Variants in ZMYM2 observed in about 807,000 individuals in gnomAD.
ZMYM2 encodes zinc finger MYM-type containing 2.
A neutral mutation model predicts 162.8 loss-of-function variants in ZMYM2; 56 were observed. The observed-to-expected ratio is 0.34, with a 90% CI of 0.28 to 0.43. The LOEUF (loss-of-function observed/expected upper bound fraction) is 0.43. ZMYM2 is among the 20% of genes least tolerant of loss of function. ZMYM2 has a pLI of 1.00. For missense variants in ZMYM2, 1,275 were observed against 1,621.8 expected (o/e 0.79, Z 3.67); for synonymous variants, 510 against 541.6 (o/e 0.94, Z 0.81).
the ZMYM2 span, among the ~76,000 whole-genome samples, chr13:19,904,099 A>G: frequency 6.6e-6 from 1 of 152,134 alleles, no homozygotes; most frequent in South Asian, 2.1e-4. Flanking sequence ...TGATCCATAC[A>G]TTGAGGCCTA....
At chr13:20,067,169 G>A (rs1350076041) in intron 20 of ZMYM2, 70 bp from the exon 21 acceptor site, 12 of 1,421,724 alleles carry the variant, frequency 8.4e-6, no homozygotes, top group East Asian at 5.1e-5. Context: ...AAAGAATAAC[G>A]TCAGAAAGTT....
At chr13:19,948,130 C>T in the ZMYM2 span, among the ~76,000 whole-genome samples, 8 of 152,210 alleles carry the variant, frequency 5.3e-5, no homozygotes, top group South Asian at 1.7e-3. Flanking sequence ...TGTGGAACGA[C>T]AGGAACTCTC....
At chr13:19,874,877 T>C in the ZMYM2 span, among the ~76,000 whole-genome samples, 2 of 152,194 alleles carry the variant, frequency 1.3e-5, no homozygotes, top group East Asian at 3.8e-4. Flanking sequence ...CATGATGAGA[T>C]ACCAGTCAGA....
intron 8 of ZMYM2, 40 bp from the exon 9 acceptor site, chr13:20,027,163 A>G: frequency 1.4e-6 from 2 of 1,432,400 alleles, no homozygotes; most frequent in Non-Finnish European, 1.9e-6. Flanking sequence ...CTTTTTTATT[A>G]CTTTATAAAC....
At chr13:20,065,481 G>A (rs1173874777) in intron 19 of ZMYM2, among the ~76,000 whole-genome samples, 1 of 152,086 alleles carries the variant, frequency 6.6e-6, no homozygotes, top group Non-Finnish European at 1.5e-5. Flanking sequence ...AAAAACTTTT[G>A]CATTGCAAAC....
chr13:20,032,119 C>T (rs1354465129), intron 10 of ZMYM2, among the ~76,000 whole-genome samples: 1 of 152,142 alleles, frequency 6.6e-6, no homozygotes, highest in Non-Finnish European at 1.5e-5. Context: ...GATCCGCCCA[C>T]CTCAGCCTCC....
chr13:20,054,218 C>G (rs1207600099), intron 14 of ZMYM2, among the ~76,000 whole-genome samples: 3 of 152,164 alleles, frequency 2.0e-5, no homozygotes, highest in Non-Finnish European at 4.4e-5. Flanking sequence ...CTTCACTGTT[C>G]TTTTTGTGAG....
At chr13:19,901,189 T>C in the ZMYM2 span, among the ~76,000 whole-genome samples, 101,002 of 151,998 alleles carry the variant, frequency 0.66, 36,197 homozygotes, top group East Asian at 0.88. Context: ...TACCATTACA[T>C]TGGGGACTAG....
At chr13:19,984,677 G>A (rs1948993800) in intron 2 of ZMYM2, among the ~76,000 whole-genome samples, 1 of 152,190 alleles carries the variant, frequency 6.6e-6, no homozygotes, top group African/African-American at 2.4e-5. Flanking sequence ...TTCTTTAAAG[G>A]ACTAAGTAGA....
At chr13:20,026,568 A>C (rs1035502466) in intron 7 of ZMYM2, 44 bp from the exon 8 acceptor site, 16 of 1,535,190 alleles carry the variant, frequency 1.0e-5, no homozygotes, top group Admixed American at 6.9e-5. Context: ...TTTTCTAGTT[A>C]AGTTGTAGTC....
At chr13:20,018,477 C>T (rs1044322152) in intron 6 of ZMYM2, among the ~76,000 whole-genome samples, 1 of 152,136 alleles carries the variant, frequency 6.6e-6, no homozygotes, top group Non-Finnish European at 1.5e-5. Flanking sequence ...CATAATCCTT[C>T]CTTACTTTCC....
intron 12 of ZMYM2, 77 bp from the exon 13 acceptor site, chr13:20,051,356 G>T (rs1593123842): frequency 3.5e-6 from 5 of 1,425,112 alleles, no homozygotes; most frequent in Non-Finnish European, 4.7e-6. Flanking sequence ...TATCACATTT[G>T]GCAATAATCA....
chr13:19,880,967 C>T, the ZMYM2 span, among the ~76,000 whole-genome samples: 1 of 151,862 alleles, frequency 6.6e-6, no homozygotes, highest in Admixed American at 6.6e-5. Flanking sequence ...CTGCTCACTG[C>T]AACGTCCACC....
chr13:20,019,096 AC>A (rs1206082337), intron 6 of ZMYM2, among the ~76,000 whole-genome samples: 13 of 24,224 alleles, frequency 5.4e-4, no homozygotes, highest in Admixed American at 2.1e-3. Flanking sequence ...AAAAAAAACA[AC>A]AACAACAACA....
the ZMYM2 span, among the ~76,000 whole-genome samples, chr13:19,910,089 T>A: frequency 1.4e-5 from 2 of 148,120 alleles, no homozygotes; most frequent in Non-Finnish European, 3.0e-5. Context: ...TAGCTGAGCG[T>A]GGTGGCGGGT....
intron 4 of ZMYM2, among the ~76,000 whole-genome samples, chr13:20,004,120 GT>G: frequency 6.6e-6 from 1 of 152,290 alleles, no homozygotes; most frequent in African/African-American, 2.4e-5. Context: ...TTCTCTACAT[GT>G]TTAATAAATT....
the ZMYM2 span, among the ~76,000 whole-genome samples, chr13:19,936,457 C>G: frequency 6.6e-6 from 1 of 152,206 alleles, no homozygotes; most frequent in East Asian, 1.9e-4. Context: ...CATGGTGGCT[C>G]TTGCCTGTAA....
chr13:19,980,831 A>G (rs1957257044), intron 2 of ZMYM2, among the ~76,000 whole-genome samples: 1 of 151,500 alleles, frequency 6.6e-6, no homozygotes, highest in Non-Finnish European at 1.5e-5. Flanking sequence ...CAGTTTATCT[A>G]ATTAAAAATT....
chr13:20,084,950 T>A (rs371398691), intron 24 of ZMYM2, among the ~76,000 whole-genome samples: 5 of 152,336 alleles, frequency 3.3e-5, no homozygotes, highest in African/African-American at 4.8e-5. Flanking sequence ...AGAAGTGTTT[T>A]AGATTTCAGA....
Sources: gnomAD v4.1 joint callset for allele counts (sites outside exome capture counted in the v4.1 genomes callset) on GRCh38, gnomAD v4.1.1 for gene constraint, MANE v1.5 for transcripts, NCBI Gene and HGNC (gene_info 2026-07-23, HGNC 2026-07-21) for gene names.